The following ZNF423 variants were observed in gnomAD, a reference collection of about 807,000 sequenced individuals.
The protein encoded by ZNF423 is zinc finger protein 423, also known as Ebf-associated zinc finger protein.
In ZNF423, 12 loss-of-function variants were observed where a neutral mutation model predicts 95.8. The ratio of observed to expected loss-of-function variants is 0.13; its 90% CI spans 0.08 to 0.20. The LOEUF (loss-of-function observed/expected upper bound fraction) is 0.20. Among genes scored for constraint, ZNF423 ranks in the 10% least tolerant of loss-of-function variants. The pLI is 1.00. For missense variants in ZNF423, 1,316 were observed against 1,737.1 expected, an observed-to-expected ratio of 0.76 and a Z score of 4.31; for synonymous variants, 749 against 711.9, an observed-to-expected ratio of 1.05 and a Z score of -0.83.
At chr16:49,839,822 G>A (rs2035164557) in intron 1 of ZNF423, among the ~76,000 whole-genome samples, 1 of 152,076 alleles carries the variant, frequency 6.6e-6, no homozygotes, top group African/African-American at 2.4e-5. Flanking sequence ...GCCTCCCAAA[G>A]CATCAACCAC....
At chr16:49,716,595 G>A (rs1294115198) in intron 3 of ZNF423, among the ~76,000 whole-genome samples, 1 of 152,226 alleles carries the variant, frequency 6.6e-6, no homozygotes, top group African/African-American at 2.4e-5. Flanking sequence ...GGCACAGAGT[G>A]TTTAAAAACA....
chr16:49,829,361 C>G (rs1019673634), intron 1 of ZNF423, among the ~76,000 whole-genome samples: 1 of 152,196 alleles, frequency 6.6e-6, no homozygotes, highest in Non-Finnish European at 1.5e-5. Context: ...GCAGTGTAAA[C>G]GAGCCCTCCT....
intron 7 of ZNF423, among the ~76,000 whole-genome samples, chr16:49,516,927 G>A (rs1367517986): frequency 6.6e-6 from 1 of 152,190 alleles, no homozygotes; most frequent in African/African-American, 2.4e-5. Context: ...GGCTACCTGT[G>A]TCACCAATCC....
intron 5 of ZNF423, among the ~76,000 whole-genome samples, chr16:49,586,435 G>C (rs1035524012): frequency 1.3e-4 from 20 of 152,236 alleles, no homozygotes; most frequent in African/African-American, 4.8e-4. Context: ...ACTTTAGGAA[G>C]AGTCAAGCCC....
intron 4 of ZNF423, among the ~76,000 whole-genome samples, chr16:49,628,092 C>T (rs528542465): frequency 3.4e-5 from 5 of 145,728 alleles, no homozygotes; most frequent in African/African-American, 1.4e-4. Context: ...CCTATCCATC[C>T]ACCCTCCATC....
At chr16:49,533,011 C>T (rs559237838) in intron 5 of ZNF423, among the ~76,000 whole-genome samples, 1 of 152,244 alleles carries the variant, frequency 6.6e-6, no homozygotes, top group East Asian at 1.9e-4. Flanking sequence ...GAAGGGTCAC[C>T]CCCCACCCTG....
chr16:49,527,216 T>TAGATTCCACCC (rs1312911987), intron 5 of ZNF423, among the ~76,000 whole-genome samples: 86 of 152,190 alleles, frequency 5.7e-4, no homozygotes, highest in Non-Finnish European at 1.0e-3. Context: ...CATAGCCCAC[T>TAGATTCCACCC]GGCTGGAATC....
intron 1 of ZNF423, among the ~76,000 whole-genome samples, chr16:49,825,600 G>T (rs2034996858): frequency 6.6e-6 from 1 of 151,868 alleles, no homozygotes; most frequent in African/African-American, 2.4e-5. Flanking sequence ...GGCAGTGGGG[G>T]AGACATTCCT....
At chr16:49,586,761 G>A (rs1970853387) in intron 5 of ZNF423, among the ~76,000 whole-genome samples, 1 of 152,166 alleles carries the variant, frequency 6.6e-6, no homozygotes, top group Admixed American at 6.5e-5. Context: ...CACTTCTTCC[G>A]CCTCTTTCTT....
upstream of ZNF423, among the ~76,000 whole-genome samples, chr16:49,856,797 G>A (rs1268898786): frequency 6.8e-6 from 1 of 148,030 alleles, no homozygotes; most frequent in Admixed American, 6.7e-5. Flanking sequence ...TGCTCAGCGC[G>A]AGGCGCGCAG....
At chr16:49,558,209 T>A (rs1029339797) in intron 5 of ZNF423, among the ~76,000 whole-genome samples, 11 of 152,160 alleles carry the variant, frequency 7.2e-5, no homozygotes, top group Non-Finnish European at 1.6e-4. Context: ...ACCCCAGCAA[T>A]GGTGGGCAGA....
rs79396276 is a variant in ZNF423, at chr16:49,693,388, C to T, written c.301+37383G>A. On this transcript the variant is annotated intron_variant, in intron 3 of 7. Transcript: ENST00000563137. ...TGTCACACAGTAAGAAGGATGCATA[C>T]GTGGGATTAGAACCCACAGTCAGGC... Among the ~76,000 whole-genome samples, 1,345 of 152,298 alleles carry T rather than the reference C, an allele frequency of 8.8e-3. 22 individuals are homozygous for T. Among genetic ancestry groups the T allele is most frequent in the African/African-American group, 0.029 (1,206 of 41,560 alleles).
At chr16:49,800,481 C>A (rs1221936417) in intron 1 of ZNF423, among the ~76,000 whole-genome samples, 1 of 152,136 alleles carries the variant, frequency 6.6e-6, no homozygotes, top group Non-Finnish European at 1.5e-5. Flanking sequence ...TCTAAATTGG[C>A]ACAGATGCAG....
intron 7 of ZNF423, among the ~76,000 whole-genome samples, chr16:49,497,762 G>A (rs770090466): frequency 2.6e-4 from 40 of 152,242 alleles, no homozygotes; most frequent in Non-Finnish European, 4.7e-4. Flanking sequence ...TAACCACTGA[G>A]AGATTCCCTT....
chr16:49,835,448 T>C (rs1336602532), intron 1 of ZNF423, among the ~76,000 whole-genome samples: 1 of 151,558 alleles, frequency 6.6e-6, no homozygotes, highest in East Asian at 1.9e-4. Flanking sequence ...TGGTGCAAAA[T>C]AAAAGGGAGG....
intron 7 of ZNF423, among the ~76,000 whole-genome samples, chr16:49,522,692 T>C (rs1968451978): frequency 6.6e-6 from 1 of 152,136 alleles, no homozygotes; most frequent in African/African-American, 2.4e-5. Flanking sequence ...GCTGCATGTG[T>C]GCGGTATTCC....
At chr16:49,799,307 TTCTCCCGCC>T (rs1449374991) in intron 1 of ZNF423, among the ~76,000 whole-genome samples, 1 of 152,184 alleles carries the variant, frequency 6.6e-6, no homozygotes, top group Non-Finnish European at 1.5e-5. Flanking sequence ...CAAGCTCCCC[TTCTCCCGCC>T]AGGTTCCTGG....
chr16:49,820,322 C>T (rs749172169), intron 1 of ZNF423, among the ~76,000 whole-genome samples: 1 of 152,184 alleles, frequency 6.6e-6, no homozygotes, highest in Non-Finnish European at 1.5e-5. Flanking sequence ...GAGGAATATC[C>T]GCTAGGCCTT....
chr16:49,497,353 G>T (rs1315524840), intron 7 of ZNF423, among the ~76,000 whole-genome samples: 1 of 152,238 alleles, frequency 6.6e-6, no homozygotes, highest in Non-Finnish European at 1.5e-5. Flanking sequence ...CCTCCCGTGA[G>T]GAGCTCACAA....
Sources: allele counts gnomAD v4.1 joint callset (sites outside exome capture counted in the v4.1 genomes callset), GRCh38; gene constraint gnomAD v4.1.1; transcripts MANE v1.5; gene names NCBI Gene and HGNC (gene_info 2026-07-23, HGNC 2026-07-21).